The following ABHD17C variants were observed in gnomAD, a reference collection of about 807,000 sequenced individuals.
ABHD17C encodes abhydrolase domain containing 17C, depalmitoylase, also known as alpha/beta hydrolase domain-containing protein 17C.
ABHD17C carries 11 observed loss-of-function variants against 27.9 expected under a neutral mutation model. The ratio of observed to expected loss-of-function variants is 0.39; its 90% CI spans 0.25 to 0.65. The LOEUF is 0.65. Ranked by LOEUF, ABHD17C falls within the 30% of genes least tolerant of loss-of-function variation. ABHD17C has a pLI of 0.45. For synonymous variants in ABHD17C, 233 were observed against 209.1 expected (o/e 1.11, Z -0.98); for missense variants, 280 against 470.2 (o/e 0.60, Z 3.74).
At chr15:80,733,480 A>T (rs569979608) in intron 1 of ABHD17C, among the ~76,000 whole-genome samples, 1 of 152,280 alleles carries the variant, frequency 6.6e-6, no homozygotes, top group South Asian at 2.1e-4. Context: ...TCTGGCCAGG[A>T]GGATTCAATA....
rs146775208 is a variant in ABHD17C, at chr15:80,715,931, T to C, written c.590+19912T>C. 7.9e-5 allele frequency among the ~76,000 whole-genome samples: 12 copies of C among 152,278 alleles called. No individual in the cohort carries two copies. In the East Asian group the frequency reaches 2.1e-3, roughly 27 times the overall value. ...CCCTATTTGACCTGAAAAAAAAAATTTAGAGCAATTGAATTTTAATTCTTA... is the reference window on the plus strand; with the variant it reads ...CCCTATTTGACCTGAAAAAAAAAATCTAGAGCAATTGAATTTTAATTCTTA... On this transcript the variant is annotated intron_variant, in intron 1 of 2. Transcript: ENST00000258884.
At chr15:80,716,771 TCTTA>T (rs780090399) in intron 1 of ABHD17C, among the ~76,000 whole-genome samples, 3 of 152,202 alleles carry the variant, frequency 2.0e-5, no homozygotes, top group Non-Finnish European at 2.9e-5. Context: ...TAAATTATTC[TCTTA>T]CTTAATCTCT....
At chr15:80,699,348 A>G (rs1894540184) in intron 1 of ABHD17C, among the ~76,000 whole-genome samples, 1 of 152,042 alleles carries the variant, frequency 6.6e-6, no homozygotes, top group African/African-American at 2.4e-5. Context: ...ATTTTTCCTA[A>G]GTTGGACTCT....
At chr15:80,734,185 A>G (rs1895095096) in intron 1 of ABHD17C, among the ~76,000 whole-genome samples, 1 of 152,090 alleles carries the variant, frequency 6.6e-6, no homozygotes, top group South Asian at 2.1e-4. Flanking sequence ...GGGATTCACC[A>G]TGTTGCCCAG....
intron 1 of ABHD17C, among the ~76,000 whole-genome samples, chr15:80,746,922 A>G (rs1419379096): frequency 2.0e-5 from 3 of 152,168 alleles, no homozygotes; most frequent in African/African-American, 7.2e-5. Flanking sequence ...ATGTTATCCT[A>G]TATAATCCTC....
chr15:80,711,483 C>T (rs1276828585), intron 1 of ABHD17C, among the ~76,000 whole-genome samples: 3 of 152,212 alleles, frequency 2.0e-5, no homozygotes, highest in Non-Finnish European at 2.9e-5. Context: ...AGGCTCTATG[C>T]ACTGCAGTTT....
At chr15:80,740,621 G>A (rs1462167043) in intron 1 of ABHD17C, among the ~76,000 whole-genome samples, 2 of 152,132 alleles carry the variant, frequency 1.3e-5, no homozygotes, top group African/African-American at 4.8e-5. Context: ...AGAAATGTGA[G>A]GGGGTACAGG....
At chr15:80,739,519 G>T (rs962729876) in intron 1 of ABHD17C, among the ~76,000 whole-genome samples, 1 of 152,108 alleles carries the variant, frequency 6.6e-6, no homozygotes, top group Non-Finnish European at 1.5e-5. Context: ...ATGGCTTGGT[G>T]CCCTCCCCAT....
chr15:80,695,808 T>G lies in ABHD17C; in HGVS notation c.379T>G (p.Cys127Gly). 6.4e-7 allele frequency: 1 copy of G among 1,558,014 alleles called. No individual in the cohort carries two copies. The highest frequency in any genetic ancestry group is 8.6e-7 in the Non-Finnish European group (1 of 1,161,562). The change falls in exon 1 of 3, where the codon TGC becomes GGC. Residue 127 changes from cysteine (C) to glycine (G), a missense_variant. Cys to Gly is a radical substitution (Grantham distance 159). Transcript: ENST00000258884. This position sits in a 1 kb window ranked among gnomAD's most constrained non-coding sequence, Gnocchi z 4.3. ...DNRLGCMFVRCAPSSRYTLLF... is the reference protein window; with the variant it reads ...DNRLGCMFVRGAPSSRYTLLF... ...CCGGCTCGGCTGCATGTTCGTGCGCTGCGCGCCCTCCAGCCGCTACACGCT... is the reference window on the plus strand; with the variant it reads ...CCGGCTCGGCTGCATGTTCGTGCGCGGCGCGCCCTCCAGCCGCTACACGCT...
chr15:80,719,028 A>G (rs1894850114), intron 1 of ABHD17C, among the ~76,000 whole-genome samples: 1 of 152,222 alleles, frequency 6.6e-6, no homozygotes, highest in African/African-American at 2.4e-5. Flanking sequence ...GTACAGTAAG[A>G]TGTGTTATTA....
chr15:80,699,095 T>A (rs192723557), intron 1 of ABHD17C, among the ~76,000 whole-genome samples: 29 of 152,332 alleles, frequency 1.9e-4, no homozygotes, highest in Non-Finnish European at 3.4e-4. Context: ...TTAATTGGAT[T>A]AGGAGACCCT....
At chr15:80,718,367 CTG>C (rs1894838454) in intron 1 of ABHD17C, among the ~76,000 whole-genome samples, 1 of 151,688 alleles carries the variant, frequency 6.6e-6, no homozygotes, top group Non-Finnish European at 1.5e-5. Flanking sequence ...GAGTCTTACT[CTG>C]TTGCCCAGGC....
chr15:80,737,838 G>A (rs1895154412), intron 1 of ABHD17C, among the ~76,000 whole-genome samples: 1 of 152,164 alleles, frequency 6.6e-6, no homozygotes, highest in African/African-American at 2.4e-5. Context: ...GGAGCAGAAG[G>A]GCCACCTGGA....
intron 1 of ABHD17C, among the ~76,000 whole-genome samples, chr15:80,743,581 AT>A (rs1421985587): frequency 7.9e-5 from 12 of 151,890 alleles, no homozygotes; most frequent in Non-Finnish European, 1.8e-4. Context: ...TTTTTGTTTT[AT>A]TTTGTTTTGT....
At chr15:80,733,915 A>G (rs1056842186) in intron 1 of ABHD17C, among the ~76,000 whole-genome samples, 1 of 151,714 alleles carries the variant, frequency 6.6e-6, no homozygotes, top group African/African-American at 2.4e-5. Context: ...CTGTACCTTA[A>G]CTTTTGGCTG....
chr15:80,700,748 A>T (rs1319511496), intron 1 of ABHD17C, among the ~76,000 whole-genome samples: 1 of 152,018 alleles, frequency 6.6e-6, no homozygotes, highest in Non-Finnish European at 1.5e-5. Flanking sequence ...AAAAATTTTT[A>T]AAAGTAGCCA....
At chr15:80,740,657 T>G (rs1381353808) in intron 1 of ABHD17C, among the ~76,000 whole-genome samples, 1 of 152,154 alleles carries the variant, frequency 6.6e-6, no homozygotes, top group East Asian at 1.9e-4. Context: ...TTCTACCGCC[T>G]CAGCATTCTC....
chr15:80,696,122 T>C, intron 1 of ABHD17C, 103 bp downstream of exon 1: 2 of 1,224,132 alleles, frequency 1.6e-6, no homozygotes, highest in Non-Finnish European at 2.3e-6. Context: ...GGGCCCCTCC[T>C]CCGGGGCTGA....
At chr15:80,737,702 G>A (rs1185691910) in intron 1 of ABHD17C, among the ~76,000 whole-genome samples, 2 of 152,192 alleles carry the variant, frequency 1.3e-5, no homozygotes, top group Non-Finnish European at 2.9e-5. Context: ...GTCAAGAAAT[G>A]TGAAAGGACG....
Sources: gnomAD v4.1 joint callset for allele counts (sites outside exome capture counted in the v4.1 genomes callset) on GRCh38, gnomAD v4.1.1 for gene constraint, Gnocchi (gnomAD v3.1) non-coding constraint, MANE v1.5 for transcripts, NCBI Gene and HGNC (gene_info 2026-07-23, HGNC 2026-07-21) for gene names.